CYP4F12: variants seen among roughly 807,000 people sequenced by gnomAD.
CYP4F12 encodes the protein cytochrome P450 family 4 subfamily F member 12, also known as cytochrome P450 4F12.
In CYP4F12, 60 loss-of-function variants were observed where a neutral mutation model predicts 56.5. The observed-to-expected ratio is 1.06, with a 90% CI of 0.86 to 1.32. The LOEUF is 1.32. CYP4F12 is among the 40% of genes most tolerant of loss of function. The pLI is 0.00. For synonymous variants in CYP4F12, 263 were observed against 264.9 expected, an observed-to-expected ratio of 0.99 and a Z score of 0.07; for missense variants, 711 against 683.5, an observed-to-expected ratio of 1.04 and a Z score of -0.45.
intron 9 of CYP4F12, among the ~76,000 whole-genome samples, chr19:15,685,518 C>G (rs1168811253): frequency 6.6e-6 from 1 of 152,186 alleles, no homozygotes; most frequent in Non-Finnish European, 1.5e-5. Context: ...TTTCGAAAAT[C>G]CTCACTTCTT....
chr19:15,696,062 C>T lies in CYP4F12; in HGVS notation c.1242C>T (p.Ile414=). 1 of 1,613,506 alleles carries T rather than the reference C, an allele frequency of 6.2e-7. No homozygotes were observed. Among genetic ancestry groups the T allele is most frequent in the Non-Finnish European group, 8.5e-7 (1 of 1,179,630 alleles). Residue 414 remains isoleucine, a synonymous_variant, in exon 10 of 13, where the codon ATC becomes ATT. Coordinates refer to ENST00000550308, the MANE Select transcript of CYP4F12 (RefSeq NM_023944.4). ...TTGTTCTCCCAGATGGCCGAGTCATCCCCAAAGGTGCCCACAGCCTCAGGG... is the reference window on the plus strand; with the variant it reads ...TTGTTCTCCCAGATGGCCGAGTCATTCCCAAAGGTGCCCACAGCCTCAGGG... ...QDIVLPDGRV[I]PKGITCLIDI...
chr19:15,682,315 C>A, intron 5 of CYP4F12, 74 bp from the exon 6 acceptor site: 1 of 1,583,302 alleles, frequency 6.3e-7, no homozygotes, highest in East Asian at 2.3e-5. Flanking sequence ...GGGAGTCCAT[C>A]CTGATGTTTG....
chr19:15,679,551 T>A (rs1048487158), intron 3 of CYP4F12, among the ~76,000 whole-genome samples: 1 of 152,214 alleles, frequency 6.6e-6, no homozygotes, highest in Non-Finnish European at 1.5e-5. Context: ...GAAGTCATCA[T>A]GTGTGTGGCT....
intron 9 of CYP4F12, among the ~76,000 whole-genome samples, chr19:15,692,942 G>T (rs998909241): frequency 6.6e-6 from 1 of 151,972 alleles, no homozygotes; most frequent in African/African-American, 2.4e-5. Context: ...GCTGGCTGTT[G>T]TGGTGAATGC....
intron 5 of CYP4F12, 43 bp downstream of exon 5, chr19:15,680,562 G>C (rs1318206080): frequency 6.2e-7 from 1 of 1,613,796 alleles, no homozygotes; most frequent in East Asian, 2.2e-5. Context: ...GTCTTGGGGT[G>C]GAGGGACCAT....
chr19:15,686,416 G>A (rs572773811), intron 9 of CYP4F12, among the ~76,000 whole-genome samples: 1 of 152,294 alleles, frequency 6.6e-6, no homozygotes, highest in African/African-American at 2.4e-5. Context: ...GAGGGAGCAG[G>A]AGAGAGGGAG....
intron 11 of CYP4F12, 40 bp from the exon 12 acceptor site, chr19:15,696,390 A>T: frequency 6.2e-7 from 1 of 1,613,790 alleles, no homozygotes; most frequent in Non-Finnish European, 8.5e-7. Context: ...TGCTGGACAT[A>T]GGAAATCCCA....
In CYP4F12 at chr19:15,676,891, CCTCA is replaced by C. The variant is rs1187348047; in HGVS notation, c.199-1361_199-1358del. Among the ~76,000 whole-genome samples, 2 of 8,530 alleles carry C rather than the reference CCTCA, an allele frequency of 2.3e-4. 1 individual carries two copies. The highest frequency in any genetic ancestry group is 5.1e-4 in the Non-Finnish European group (2 of 3,900). 5.6% of individuals were successfully genotyped at this position (8,530 alleles called of 152,430 possible). A position where few individuals can be genotyped will look rare whatever the true frequency, so the allele number is the denominator to read the frequency against. The stretch of plus-strand genomic sequence containing the variant: ...CCTTTACCCACTCACTCATTCCTCT[CCTCA>C]CTCACTCATTCCTCTCCTCACTTAC... On this transcript the variant is annotated intron_variant, in intron 2 of 12. Transcript: ENST00000550308.
intron 9 of CYP4F12, among the ~76,000 whole-genome samples, chr19:15,692,113 C>T (rs1388805697): frequency 6.6e-6 from 1 of 152,138 alleles, no homozygotes; most frequent in African/African-American, 2.4e-5. Context: ...CACCCTCCAC[C>T]ACGCCTGGCT....
chr19:15,688,960 T>C (rs1321693591), intron 9 of CYP4F12, among the ~76,000 whole-genome samples: 4 of 152,054 alleles, frequency 2.6e-5, no homozygotes, highest in African/African-American at 9.6e-5. Context: ...AATCAAAGGC[T>C]TAAATCTAAG....
At position 15,696,914 on chromosome 19, in the gene CYP4F12, C is replaced by CATCGGGCA. The variant is rs1419100465; in HGVS notation, c.1405_1412dup (p.Ala472SerfsTer10). On this transcript the variant is annotated frameshift_variant, in exon 13 of 13. Transcript: ENST00000550308. LOFTEE classifies it low-confidence loss of function (END_TRUNC). ...TCCCCACTCCCGCCTGCAGGAACTG[C>CATCGGGCA]ATCGGGCAGGCGTTCGCCATGGCGG... The CATCGGGCA allele has an allele frequency of 8.1e-6, 13 of 1,612,348 alleles. No homozygotes were observed. The highest frequency in any genetic ancestry group is 8.0e-5 in the African/African-American group (6 of 75,048).
chr19:15,696,963 A>T lies in CYP4F12; in HGVS notation c.1453A>T (p.Met485Leu), dbSNP rs1402177511. The change falls in exon 13 of 13, where the codon ATG becomes TTG. Residue 485 changes from methionine (M) to leucine (L), a missense_variant. Coordinates refer to ENST00000550308, the MANE Select transcript of CYP4F12 (RefSeq NM_023944.4). ...MAEMKVVLAL[M>L]LLHFRFLPDH... ...GGAGATGAAAGTGGTCCTGGCGTTG[A>T]TGCTGCTGCACTTCCGGTTCCTGCC... The T allele has an allele frequency of 5.6e-6, 9 of 1,614,178 alleles. No individual in the cohort carries two copies. The highest frequency in any genetic ancestry group is 7.6e-6 in the Non-Finnish European group (9 of 1,180,004).
chr19:15,682,266 A>G (rs2007342045), intron 5 of CYP4F12, 123 bp from the exon 6 acceptor site: 2 of 1,377,082 alleles, frequency 1.5e-6, no homozygotes, highest in Non-Finnish European at 2.0e-6. Context: ...CTCGCTGGCA[A>G]TGGGTTCCTG....
chr19:15,693,748 C>A (rs1345790455), intron 9 of CYP4F12, among the ~76,000 whole-genome samples: 1 of 150,372 alleles, frequency 6.7e-6, no homozygotes, highest in African/African-American at 2.5e-5. Flanking sequence ...GTGTTTTAGA[C>A]ATGAAGTCCT....
intron 9 of CYP4F12, among the ~76,000 whole-genome samples, chr19:15,691,961 C>A (rs2007890799): frequency 1.3e-5 from 2 of 151,830 alleles, no homozygotes; most frequent in Non-Finnish European, 2.9e-5. Flanking sequence ...CTTTTCTTTT[C>A]TTTTTTCTTT....
chr19:15,676,821 A>C (rs775114744), intron 2 of CYP4F12, among the ~76,000 whole-genome samples: 4 of 8,512 alleles, frequency 4.7e-4, no homozygotes, highest in African/African-American at 7.3e-4. Context: ...TCATTCCTCT[A>C]CCCACTCACT....
rs2008145152 is a variant in CYP4F12, at chr19:15,696,452, A to T, written c.1337A>T (p.Asp446Val). The change falls in exon 12 of 13, where the codon GAC becomes GTC. Residue 446 changes from aspartate (D) to valine (V), a missense_variant. By Grantham distance (152) the Asp-to-Val change is radical (BLOSUM62 -3). Transcript: ENST00000550308. ...CAGGTCTACGACCCCTTCCGCTTTG[A>T]CCCAGAGAACAGCAAGGGGAGGTCA... ...DPEVYDPFRF[D>V]PENSKGRSPL... 1 of 1,613,932 alleles carries T rather than the reference A, an allele frequency of 6.2e-7. No individual in the cohort carries two copies. Among genetic ancestry groups the T allele is most frequent in the African/African-American group, 1.3e-5 (1 of 74,868 alleles).
intron 11 of CYP4F12, 71 bp downstream of exon 11, chr19:15,696,296 G>A (rs2008135899): frequency 1.2e-6 from 2 of 1,611,400 alleles, no homozygotes; most frequent in Admixed American, 3.4e-5. Flanking sequence ...GAATTCCAAG[G>A]TTCCTAGTGG....
chr19:15,675,138 T>C (rs115329863), intron 2 of CYP4F12, among the ~76,000 whole-genome samples: 1 of 151,524 alleles, frequency 6.6e-6, no homozygotes. Flanking sequence ...CAGTGAGCCC[T>C]GTAGCCCAAC....
Sources: gnomAD v4.1 joint callset for allele counts (sites outside exome capture counted in the v4.1 genomes callset) on GRCh38, gnomAD v4.1.1 for gene constraint, MANE v1.5 for transcripts, NCBI Gene and HGNC (gene_info 2026-07-23, HGNC 2026-07-21) for gene names.